NPC1: variants seen among roughly 807,000 people sequenced by gnomAD.
NPC1 encodes NPC intracellular cholesterol transporter 1.
Under a neutral mutation model 140.4 loss-of-function variants are expected in NPC1, and 85 were observed. The observed-to-expected ratio is 0.61, with a 90% CI of 0.51 to 0.72. NPC1 has a LOEUF of 0.72. Among genes scored for constraint, NPC1 ranks in the 30% least tolerant of loss-of-function variants. The pLI is 0.00. For synonymous variants in NPC1, 656 were observed against 624.8 expected (o/e 1.05, Z -0.74); for missense variants, 1,504 against 1,623.8 (o/e 0.93, Z 1.27).
chr18:23,541,410 C>A lies in NPC1; in HGVS notation c.2269G>T (p.Val757Leu). 1 of 1,614,220 alleles carries A rather than the reference C, an allele frequency of 6.2e-7. No individual in the cohort carries two copies. The highest frequency in any genetic ancestry group is 8.5e-7 in the Non-Finnish European group (1 of 1,180,042). Residue 757 changes from valine to leucine, a missense_variant, in exon 15 of 25, where the codon GTG (valine) becomes TTG (leucine). Coordinates refer to ENST00000269228, the MANE Select transcript of NPC1 (RefSeq NM_000271.5). ...FLGALSVMPA[V>L]HTFSLFAGLA... The stretch of plus-strand genomic sequence containing the variant: ...CCCGCAAAGAGAGAGAAGGTGTGCA[C>A]GGCTGGCATCACGGACAATGCTCCT...
chr18:23,543,357 AAAAG>A, intron 14 of NPC1, 94 bp downstream of exon 14: 2 of 744,970 alleles, frequency 2.7e-6, no homozygotes, highest in East Asian at 2.5e-5. Flanking sequence ...GAAAAAAAAA[AAAAG>A]GAAGCAACAC....
intron 3 of NPC1, among the ~76,000 whole-genome samples, chr18:23,514,784 A>T (rs1417763386): frequency 6.6e-6 from 1 of 152,128 alleles, no homozygotes; most frequent in Non-Finnish European, 1.5e-5. Context: ...TCAAGAAAAA[A>T]GTTAAAAAGA....
chr18:23,586,331 C>A lies in NPC1; in HGVS notation c.13G>T (p.Gly5Cys). 6.5e-7 allele frequency: 1 copy of A among 1,534,018 alleles called. No homozygotes were observed. The highest frequency in any genetic ancestry group is 1.4e-5 in the African/African-American group (1 of 73,010). Residue 5 changes from glycine (G) to cysteine (C), a missense_variant, in exon 1 of 25, where the codon GGC (glycine) becomes TGC (cysteine). Physicochemically the swap from Gly to Cys is radical, Grantham distance 159. Coordinates refer to ENST00000269228, the MANE Select transcript of NPC1 (RefSeq NM_000271.5). MTAR[G>C]LALGLLLLLL... Reference sequence around the variant, plus strand: ...AGCAGGAGGAGGCCAAGGGCCAGGCCGCGAGCGGTCATGCTGTGGCCGCGC... The same window carrying A: ...AGCAGGAGGAGGCCAAGGGCCAGGCAGCGAGCGGTCATGCTGTGGCCGCGC...
At chr18:23,516,714 A>G (rs1211094078) in intron 3 of NPC1, among the ~76,000 whole-genome samples, 2 of 138,174 alleles carry the variant, frequency 1.4e-5, no homozygotes, top group African/African-American at 5.4e-5. Context: ...TCTTTGTTTT[A>G]GAATTTCTTC....
intron 14 of NPC1, among the ~76,000 whole-genome samples, chr18:23,542,503 T>G (rs781735477): frequency 4.6e-5 from 7 of 152,080 alleles, no homozygotes; most frequent in Non-Finnish European, 7.4e-5. Flanking sequence ...GCCTCCCCTA[T>G]AGTGGACAGA....
At chr18:23,534,962 C>A (rs1323432449) in intron 22 of NPC1, among the ~76,000 whole-genome samples, 1 of 152,128 alleles carries the variant, frequency 6.6e-6, no homozygotes. Flanking sequence ...CAAGTGCTCT[C>A]ATCTTTAATG....
In NPC1 at chr18:23,541,200, C is replaced by A. The variant is rs1598948374; in HGVS notation, c.2382G>T (p.Arg794=). 1 of 1,614,208 alleles carries A rather than the reference C, an allele frequency of 6.2e-7. No individual in the cohort carries two copies. Among genetic ancestry groups the A allele is most frequent in the East Asian group, 2.2e-5 (1 of 44,882 alleles). ...CTCTGACACAGCAAAAGATGTCTAG[C>A]CGATTTTTCTGAGGGGACAGAGGGA... ...GLDIKRQEKN[R]LDIFCCVRGA... Residue 794 remains arginine, a synonymous_variant, in exon 16 of 25, where the codon CGG becomes CGT. Transcript: ENST00000269228.
chr18:23,549,588 G>A (rs182911403), intron 10 of NPC1, among the ~76,000 whole-genome samples: 2 of 151,384 alleles, frequency 1.3e-5, no homozygotes, highest in African/African-American at 4.9e-5. Context: ...GCAGTGAGCC[G>A]AGATCACACC....
At chr18:23,533,541 G>C (rs769746031) in intron 23 of NPC1, 24 bp from the exon 24 acceptor site, 2 of 1,612,380 alleles carry the variant, frequency 1.2e-6, no homozygotes, top group South Asian at 2.2e-5. Context: ...TACTGTGTTA[G>C]AAACCACTTT....
chr18:23,509,094 A>G (rs1291127175), intron 3 of NPC1: 2 of 413,614 alleles, frequency 4.8e-6, no homozygotes, highest in Non-Finnish European at 8.4e-6. Flanking sequence ...GGGAACGTTC[A>G]TTAAAGAATG....
At chr18:23,529,887 C>A (rs542857180), downstream of NPC1, 98 of 1,057,550 alleles carry the variant, frequency 9.3e-5, no homozygotes, top group African/African-American at 1.4e-3. Context: ...AAGTTGGGGT[C>A]TTTACCTGCA....
chr18:23,530,347 G>A (rs1228416850), downstream of NPC1: 4 of 1,613,840 alleles, frequency 2.5e-6, no homozygotes, highest in South Asian at 4.4e-5. Flanking sequence ...CTCTGTTCCT[G>A]TTGTTTGCAC....
At chr18:23,509,406 GTTGCC>G in intron 3 of NPC1, 1 of 338,148 alleles carries the variant, frequency 3.0e-6, no homozygotes, top group Non-Finnish European at 5.2e-6. Context: ...GTCTTGCTCT[GTTGCC>G]CAGGCTGCAG....
Position 23,556,399 on chromosome 18 carries a change from C to T in NPC1, c.1170G>A (p.Leu390=), listed in dbSNP as rs369109734. ...AGTGCTGGTCAAAGTACTCTTTTTC[C>T]AGGCGAGCCTGGCTGCTGGGGGCTG... ...LWSAPSSQAR[L]EKEYFDQHFG... Residue 390 remains leucine, a synonymous_variant, in exon 8 of 25, where the codon CTG becomes CTA. Coordinates refer to ENST00000269228, the MANE Select transcript of NPC1 (RefSeq NM_000271.5). 3.7e-5 allele frequency: 60 copies of T among 1,614,118 alleles called. No homozygotes were observed. In the African/African-American group the frequency reaches 6.5e-4, roughly 18 times the overall value.
rs1474496121 is a variant in NPC1 at position 23,560,335 on chromosome 18, G to C, written c.777C>G (p.Pro259=). ...TGGCGTCCAAGCCAAGGATCGTCCAGGGAGCAGGAGGAGGTGGGGGCTGGG... is the reference window on the plus strand; with the variant it reads ...TGGCGTCCAAGCCAAGGATCGTCCACGGAGCAGGAGGAGGTGGGGGCTGGG... The part of the protein sequence containing the change: ...PKPQPPPPPA[P]WTILGLDAMY... The change falls in exon 6 of 25, where the codon CCC becomes CCG. Residue 259 remains proline (P), a synonymous_variant. Coordinates refer to ENST00000269228, the MANE Select transcript of NPC1 (RefSeq NM_000271.5). 1 of 1,614,240 alleles carries C rather than the reference G, an allele frequency of 6.2e-7. No individual in the cohort carries two copies. The highest frequency in any genetic ancestry group is 8.5e-7 in the Non-Finnish European group (1 of 1,180,048).
chr18:23,574,797 A>G (rs1274779351), intron 1 of NPC1, among the ~76,000 whole-genome samples: 1 of 152,204 alleles, frequency 6.6e-6, no homozygotes, highest in Non-Finnish European at 1.5e-5. Flanking sequence ...CAAGCCTTCA[A>G]CAAAGCCACA....
chr18:23,526,776 T>A (rs2058309580), downstream of NPC1: 1 of 1,613,266 alleles, frequency 6.2e-7, no homozygotes, highest in Middle Eastern at 1.7e-4. Flanking sequence ...GTAAGTTGAA[T>A]CCTTCCCCCT....
chr18:23,532,192 T>C lies in NPC1; in HGVS notation c.*10A>G, dbSNP rs2058533308. 1.9e-6 allele frequency: 3 copies of C among 1,614,156 alleles called. No homozygotes were observed. Among genetic ancestry groups the C allele is most frequent in the African/African-American group, 1.3e-5 (1 of 75,038 alleles). On this transcript the variant is annotated 3_prime_UTR_variant, in exon 25 of 25. Transcript: ENST00000269228. ...TAGACACAGTTCAGTCAGGATGCCC[T>C]GCGAGAGGGCTAGAAATTTAGAAGC...
At chr18:23,551,398 AG>A (rs1209903304) in intron 10 of NPC1, 1 of 560,184 alleles carries the variant, frequency 1.8e-6, no homozygotes, top group African/African-American at 1.9e-5. Context: ...AGCCTTCGAC[AG>A]CTTCTCAAAG....
Sources: allele counts gnomAD v4.1 joint callset (sites outside exome capture counted in the v4.1 genomes callset), GRCh38; gene constraint gnomAD v4.1.1; transcripts MANE v1.5; gene names NCBI Gene and HGNC (gene_info 2026-07-23, HGNC 2026-07-21).